Variants in DAAM1 observed in about 807,000 individuals in gnomAD.
DAAM1 encodes the protein dishevelled associated activator of morphogenesis 1, also known as disheveled-associated activator of morphogenesis 1.
A neutral mutation model predicts 130.0 loss-of-function variants in DAAM1; 52 were observed. That is an observed-to-expected ratio of 0.40 (90% CI 0.32 to 0.50). The LOEUF is 0.50. DAAM1 is among the 20% of genes least tolerant of loss of function. The pLI is 0.61. For missense variants in DAAM1, 1,134 were observed against 1,303.8 expected (o/e 0.87, Z 2.01); for synonymous variants, 452 against 444.5 (o/e 1.02, Z -0.21).
At chr14:59,236,425 G>A (rs1031381118) in intron 1 of DAAM1, among the ~76,000 whole-genome samples, 5 of 151,990 alleles carry the variant, frequency 3.3e-5, no homozygotes, top group East Asian at 1.9e-4. Flanking sequence ...TACATTCGCC[G>A]CCTTTTTGTT....
intron 2 of DAAM1, among the ~76,000 whole-genome samples, chr14:59,290,781 C>T (rs1294249545): frequency 2.0e-5 from 3 of 152,196 alleles, no homozygotes; most frequent in African/African-American, 7.2e-5. Flanking sequence ...TTTCTCCCCT[C>T]CTCATATCCA....
chr14:59,213,527 T>G (rs967776905), intron 1 of DAAM1, among the ~76,000 whole-genome samples: 2 of 152,152 alleles, frequency 1.3e-5, no homozygotes, highest in Non-Finnish European at 2.9e-5. Flanking sequence ...CCCACTGCTA[T>G]TCCTAAAACT....
Position 59,359,516 on chromosome 14 carries a change from C to G in DAAM1, c.2633+12C>G. The stretch of plus-strand genomic sequence containing the variant: ...GCTGCGAAAGTAAAGTAAGTACTTA[C>G]AGTGAGTGTTAGTTTCTTAAATCAC... On this transcript the variant is annotated intron_variant, in intron 21 of 24. Transcript: ENST00000360909. 1.3e-6 allele frequency: 2 copies of G among 1,594,802 alleles called. No individual in the cohort carries two copies. The highest frequency in any genetic ancestry group is 8.6e-7 in the Non-Finnish European group (1 of 1,162,918).
At chr14:59,276,967 G>A (rs981334953) in intron 2 of DAAM1, among the ~76,000 whole-genome samples, 1 of 152,152 alleles carries the variant, frequency 6.6e-6, no homozygotes, top group African/African-American at 2.4e-5. Context: ...TTGTATGTAT[G>A]TAAAGAGTTA....
At chr14:59,287,148 C>T (rs1006688314) in intron 2 of DAAM1, among the ~76,000 whole-genome samples, 6 of 152,240 alleles carry the variant, frequency 3.9e-5, no homozygotes, top group Non-Finnish European at 2.9e-5. Flanking sequence ...AATCAATAAA[C>T]GTGATTCACC....
chr14:59,216,739 C>T (rs1007129418), intron 1 of DAAM1, among the ~76,000 whole-genome samples: 1 of 151,812 alleles, frequency 6.6e-6, no homozygotes, highest in African/African-American at 2.4e-5. Context: ...AAAAAAAAGT[C>T]AATTTCATAT....
intron 23 of DAAM1, among the ~76,000 whole-genome samples, chr14:59,364,633 G>GTCTT (rs1302076659): frequency 6.6e-6 from 1 of 152,134 alleles, no homozygotes; most frequent in Non-Finnish European, 1.5e-5. Context: ...AACACTCTGA[G>GTCTT]TCTTTTGTTT....
At chr14:59,360,886 C>T (rs1361059922) in intron 22 of DAAM1, 24 bp downstream of exon 22, 3 of 1,608,984 alleles carry the variant, frequency 1.9e-6, no homozygotes, top group Middle Eastern at 1.7e-4. Flanking sequence ...TGTTGTTGTT[C>T]TAATTCCTGG....
chr14:59,221,799 A>G (rs1888781016), intron 1 of DAAM1, among the ~76,000 whole-genome samples: 1 of 152,146 alleles, frequency 6.6e-6, no homozygotes, highest in Non-Finnish European at 1.5e-5. Context: ...CTTGCATTTC[A>G]ATGGAATTAT....
rs199742099 is a variant in DAAM1 at position 59,367,586 on chromosome 14, G to A, written c.2984G>A (p.Arg995His). 5.8e-5 allele frequency: 94 copies of A among 1,612,978 alleles called. No homozygotes were observed. The highest frequency in any genetic ancestry group is 1.2e-4 in the African/African-American group (9 of 74,834). Residue 995 changes from arginine to histidine, a missense_variant, in exon 24 of 25, where the codon CGC becomes CAC. Coordinates refer to ENST00000360909, the MANE Select transcript of DAAM1 (RefSeq NM_001270520.2). Reference sequence around the variant, plus strand: ...AAGGAGGAAGAAGAACGTCGAGCTCGCATGGAAGCTCAGGTGAGAGGATGA... The same window carrying A: ...AAGGAGGAAGAAGAACGTCGAGCTCACATGGAAGCTCAGGTGAGAGGATGA... ...KKKEEEERRA[R>H]MEAQLKEQRE... is the part of the protein sequence containing the mutation.
At chr14:59,242,767 C>T (rs1881187351) in intron 1 of DAAM1, among the ~76,000 whole-genome samples, 1 of 152,060 alleles carries the variant, frequency 6.6e-6, no homozygotes, top group South Asian at 2.1e-4. Flanking sequence ...ACCGTGTTAG[C>T]CAGGATGGTC....
chr14:59,297,337 A>C (rs897586315), intron 3 of DAAM1, among the ~76,000 whole-genome samples: 1 of 152,202 alleles, frequency 6.6e-6, no homozygotes, highest in African/African-American at 2.4e-5. Context: ...AGAGCTTGGA[A>C]CATTCCTATT....
intron 23 of DAAM1, among the ~76,000 whole-genome samples, chr14:59,364,873 A>AAATC (rs1352297058): frequency 6.7e-6 from 1 of 150,264 alleles, no homozygotes; most frequent in African/African-American, 2.4e-5. Context: ...CCCACAGTGG[A>AAATC]AATCAGTCAA....
At chr14:59,208,825 C>T (rs989971262) in intron 1 of DAAM1, among the ~76,000 whole-genome samples, 1 of 152,084 alleles carries the variant, frequency 6.6e-6, no homozygotes, top group Non-Finnish European at 1.5e-5. Flanking sequence ...TGGGTTCTCG[C>T]TCAGTTCAGG....
intron 18 of DAAM1, 128 bp downstream of exon 18, chr14:59,352,760 ATCT>A (rs1886335028): frequency 2.5e-6 from 2 of 798,454 alleles, no homozygotes; most frequent in Non-Finnish European, 3.9e-6. Flanking sequence ...CATTCTAAAA[ATCT>A]TCTCAAGTCT....
chr14:59,303,047 C>A (rs569266472), intron 3 of DAAM1, among the ~76,000 whole-genome samples: 1 of 152,346 alleles, frequency 6.6e-6, no homozygotes, highest in South Asian at 2.1e-4. Context: ...GAGTCCGTGA[C>A]TATCTTTGAG....
rs768536313 is a variant in DAAM1, at chr14:59,320,472, TC to T, written c.346-17del. 1.3e-6 allele frequency: 2 copies of T among 1,581,198 alleles called. No homozygotes were observed. Among genetic ancestry groups the T allele is most frequent in the Non-Finnish European group, 1.7e-6 (2 of 1,165,816 alleles). On this transcript the variant is annotated splice_polypyrimidine_tract_variant and intron_variant, in intron 4 of 24. Transcript: ENST00000360909. ...AAAAATAGAATTTGAAGAAGTAACT[TC>T]TGTTTTCTTTGCATAGAGAAAATCT...
intron 15 of DAAM1, 98 bp downstream of exon 15, chr14:59,332,018 A>G: frequency 9.6e-7 from 1 of 1,041,746 alleles, no homozygotes; most frequent in Non-Finnish European, 1.4e-6. Flanking sequence ...TGACCGGCAT[A>G]TGAATTCTAG....
chr14:59,206,400 T>C (rs1888261270), intron 1 of DAAM1, among the ~76,000 whole-genome samples: 1 of 152,122 alleles, frequency 6.6e-6, no homozygotes, highest in South Asian at 2.1e-4. Context: ...CTCAGCCTCC[T>C]GTATAGCTGG....
Sources: allele counts gnomAD v4.1 joint callset (sites outside exome capture counted in the v4.1 genomes callset), GRCh38; gene constraint gnomAD v4.1.1; transcripts MANE v1.5; gene names NCBI Gene and HGNC (gene_info 2026-07-23, HGNC 2026-07-21).